Variants in ARHGAP42 observed in about 807,000 individuals in gnomAD.
The protein encoded by ARHGAP42 is rho GTPase-activating protein 42.
ARHGAP42 carries 63 observed loss-of-function variants against 125.0 expected under a neutral mutation model. That is an observed-to-expected ratio of 0.50 (90% CI 0.41 to 0.62). The LOEUF (loss-of-function observed/expected upper bound fraction) is 0.62. Ranked by LOEUF, ARHGAP42 falls within the 20% of genes least tolerant of loss-of-function variation. The probability of loss-of-function intolerance (pLI) is 0.00; values close to 1 mark genes in which losing one functional copy is unlikely to be tolerated. For synonymous variants in ARHGAP42, 339 were observed against 351.0 expected, an observed-to-expected ratio of 0.97 and a Z score of 0.38; for missense variants, 766 against 1,024.2, an observed-to-expected ratio of 0.75 and a Z score of 3.44.
chr11:100,781,641 G>C (rs376484429), intron 2 of ARHGAP42, among the ~76,000 whole-genome samples: 18 of 152,066 alleles, frequency 1.2e-4, no homozygotes, highest in African/African-American at 3.4e-4. Context: ...TTGTATTCTT[G>C]TCAGAGGAAT....
chr11:100,724,124 T>C (rs1023901782), intron 1 of ARHGAP42, among the ~76,000 whole-genome samples: 2 of 152,212 alleles, frequency 1.3e-5, no homozygotes, highest in African/African-American at 4.8e-5. Context: ...ATGGGCTACA[T>C]TAATTGATTT....
At chr11:100,714,115 C>T (rs1226246020) in intron 1 of ARHGAP42, among the ~76,000 whole-genome samples, 3 of 152,020 alleles carry the variant, frequency 2.0e-5, no homozygotes, top group African/African-American at 2.4e-5. Flanking sequence ...ATGAGTAAAC[C>T]GTAATGGGCA....
chr11:100,817,566 TTGAGTA>T (rs1339929332), intron 3 of ARHGAP42, among the ~76,000 whole-genome samples: 2 of 152,152 alleles, frequency 1.3e-5, no homozygotes, highest in Middle Eastern at 3.2e-3. Flanking sequence ...CTTCTCCAAT[TTGAGTA>T]TAAGTTTCGT....
intron 3 of ARHGAP42, among the ~76,000 whole-genome samples, chr11:100,807,687 G>A (rs1049932101): frequency 2.0e-5 from 3 of 152,192 alleles, no homozygotes; most frequent in African/African-American, 7.2e-5. Context: ...TGGGATATGA[G>A]CTGCCACACA....
At chr11:100,779,273 C>A (rs1396278925) in intron 2 of ARHGAP42, among the ~76,000 whole-genome samples, 1 of 150,682 alleles carries the variant, frequency 6.6e-6, no homozygotes, top group Non-Finnish European at 1.5e-5. Flanking sequence ...ATGGAGAAAC[C>A]CCATCTCTAC....
chr11:100,902,329 C>G (rs1279409643), intron 4 of ARHGAP42, among the ~76,000 whole-genome samples: 1 of 152,056 alleles, frequency 6.6e-6, no homozygotes. Flanking sequence ...CCTCATTTTT[C>G]CATTCTTTAA....
rs566247864 is a variant in ARHGAP42, at chr11:100,794,636, C to G, written c.251-469C>G. 2.4e-4 allele frequency among the ~76,000 whole-genome samples: 36 copies of G among 152,312 alleles called. No homozygotes were observed. The East Asian group carries it at 4.4e-3, about 19-fold the overall frequency. On this transcript the variant is annotated intron_variant, in intron 2 of 23. Transcript: ENST00000298815. ...CTGTTTTCAATTATCTGTGACCCTT[C>G]AGCTTCTAGAAGTCAGTGGAAAATT... is the stretch of plus-strand genomic sequence containing the variant.
At chr11:100,876,295 A>G (rs1454204574) in intron 4 of ARHGAP42, among the ~76,000 whole-genome samples, 5 of 152,216 alleles carry the variant, frequency 3.3e-5, no homozygotes, top group Admixed American at 1.3e-4. Context: ...CCTTTGAAGA[A>G]AATATATACG....
intron 22 of ARHGAP42, among the ~76,000 whole-genome samples, chr11:100,980,818 G>T (rs1188420619): frequency 6.6e-6 from 1 of 151,824 alleles, no homozygotes; most frequent in Non-Finnish European, 1.5e-5. Flanking sequence ...TGATCCACCC[G>T]CCTCAGCCTC....
chr11:100,979,232 T>G (rs1436173387), intron 22 of ARHGAP42, among the ~76,000 whole-genome samples, 183 bp downstream of exon 22: 1 of 152,232 alleles, frequency 6.6e-6, no homozygotes, highest in Non-Finnish European at 1.5e-5. Context: ...ATTGTTATAG[T>G]GATGTCTCAT....
chr11:100,823,424 GA>G, intron 3 of ARHGAP42, among the ~76,000 whole-genome samples: 1 of 152,212 alleles, frequency 6.6e-6, no homozygotes, highest in East Asian at 1.9e-4. Flanking sequence ...TCAGCAACTA[GA>G]GTTAGGGTAG....
chr11:100,724,214 G>A (rs1356384809), intron 1 of ARHGAP42, among the ~76,000 whole-genome samples: 1 of 151,940 alleles, frequency 6.6e-6, no homozygotes, highest in Non-Finnish European at 1.5e-5. Flanking sequence ...TCTTAGATTC[G>A]ATTTGCTAGT....
At chr11:100,693,590 C>T (rs970646983) in intron 1 of ARHGAP42, among the ~76,000 whole-genome samples, 7 of 152,140 alleles carry the variant, frequency 4.6e-5, no homozygotes, top group African/African-American at 9.7e-5. Flanking sequence ...CTTTATTTCT[C>T]CTAGATTTCT....
intron 7 of ARHGAP42, among the ~76,000 whole-genome samples, chr11:100,933,519 G>A (rs1413968226): frequency 6.6e-6 from 1 of 152,162 alleles, no homozygotes; most frequent in Non-Finnish European, 1.5e-5. Context: ...TAAGTTTGGA[G>A]AGCTAATTTG....
chr11:100,914,071 A>G (rs575380398), intron 5 of ARHGAP42, among the ~76,000 whole-genome samples: 31 of 152,170 alleles, frequency 2.0e-4, no homozygotes, highest in Admixed American at 1.0e-3. Context: ...AGTAGCTGAG[A>G]TTACAGGCAT....
intron 1 of ARHGAP42, among the ~76,000 whole-genome samples, chr11:100,765,648 C>G (rs979167264): frequency 1.3e-5 from 2 of 152,192 alleles, no homozygotes; most frequent in African/African-American, 2.4e-5. Flanking sequence ...TTACATGCCT[C>G]ACACCCCTAC....
At chr11:100,872,478 C>T (rs1236523953) in intron 4 of ARHGAP42, among the ~76,000 whole-genome samples, 1 of 152,098 alleles carries the variant, frequency 6.6e-6, no homozygotes, top group African/African-American at 2.4e-5. Flanking sequence ...TCACTGCAAC[C>T]TCTGCCTCCC....
At chr11:100,917,879 A>ATTT (rs1266309715) in intron 5 of ARHGAP42, among the ~76,000 whole-genome samples, 1 of 152,024 alleles carries the variant, frequency 6.6e-6, no homozygotes, top group Admixed American at 6.6e-5. Context: ...TAGTAGTAGT[A>ATTT]TTTTTTTGTA....
At chr11:100,831,682 A>T (rs1379282623) in intron 3 of ARHGAP42, among the ~76,000 whole-genome samples, 1 of 152,194 alleles carries the variant, frequency 6.6e-6, no homozygotes, top group Admixed American at 6.5e-5. Flanking sequence ...CTGCCAGGGC[A>T]TGGTGGTCTG....
Sources: allele counts gnomAD v4.1 joint callset (sites outside exome capture counted in the v4.1 genomes callset), GRCh38; gene constraint gnomAD v4.1.1; transcripts MANE v1.5; gene names NCBI Gene and HGNC (gene_info 2026-07-23, HGNC 2026-07-21).